DIP2A: variants seen among roughly 807,000 people sequenced by gnomAD.
The protein encoded by DIP2A is DIP2 acetate--CoA ligase A.
A neutral mutation model predicts 177.4 loss-of-function variants in DIP2A; 85 were observed. The ratio of observed to expected loss-of-function variants is 0.48; its 90% CI spans 0.40 to 0.57. The LOEUF is 0.57. DIP2A is among the 20% of genes least tolerant of loss of function. DIP2A has a pLI of 0.00. For synonymous variants in DIP2A, 886 were observed against 881.8 expected (o/e 1.00, Z -0.08); for missense variants, 1,791 against 2,100.2 (o/e 0.85, Z 2.88).
chr21:46,526,153 A>AC (rs1276142411), intron 8 of DIP2A, among the ~76,000 whole-genome samples: 1 of 151,658 alleles, frequency 6.6e-6, no homozygotes, highest in Non-Finnish European at 1.5e-5. Context: ...CAGGTGATCC[A>AC]CCTGCCTTGG....
chr21:46,575,905 T>C, the DIP2A span, among the ~76,000 whole-genome samples: 1 of 152,204 alleles, frequency 6.6e-6, no homozygotes, highest in Non-Finnish European at 1.5e-5. Flanking sequence ...CATTCTAAAA[T>C]TGATATAGAA....
intron 8 of DIP2A, among the ~76,000 whole-genome samples, chr21:46,528,350 A>G (rs561192004): frequency 5.9e-5 from 9 of 152,222 alleles, no homozygotes; most frequent in African/African-American, 1.9e-4. Context: ...ATTGAGGGAT[A>G]TTTAACGTAA....
rs1301588342 is a variant in DIP2A at position 46,509,386 on chromosome 21, G to A, written c.904+10G>A. The A allele has an allele frequency of 2.5e-6, 4 of 1,599,754 alleles. No individual in the cohort carries two copies. The highest frequency in any genetic ancestry group is 3.4e-6 in the Non-Finnish European group (4 of 1,174,746). On this transcript the variant is annotated intron_variant, in intron 7 of 37. Transcript: ENST00000417564. ...GAGGAATTGTTGGAAGGTAAGAGTT[G>A]TCCAACTTTGAGCTTTTCTGTTTGT...
chr21:46,557,948 G>A lies in DIP2A; in HGVS notation c.3798+195G>A, dbSNP rs1021946960. 6.6e-6 allele frequency among the ~76,000 whole-genome samples: 1 copy of A among 152,182 alleles called. No individual in the cohort carries two copies. Among genetic ancestry groups the A allele is most frequent in the Non-Finnish European group, 1.5e-5 (1 of 68,030 alleles). On this transcript the variant is annotated intron_variant, in intron 31 of 37. Coordinates refer to ENST00000417564, the MANE Select transcript of DIP2A (RefSeq NM_015151.4). This position sits in a 1 kb window ranked among gnomAD's most constrained non-coding sequence, Gnocchi z 6.0. Reference sequence around the variant, plus strand: ...ACCTGTCTCTGCAGCTCCACACCCCGCAGGAGAGGAGGGTGGGGGGTAGGG... The same window carrying A: ...ACCTGTCTCTGCAGCTCCACACCCCACAGGAGAGGAGGGTGGGGGGTAGGG...
rs1430267254 is a variant in DIP2A, at chr21:46,554,156, A to G, written c.3031-13A>G. Reference sequence around the variant, plus strand: ...CACCAGCATACAGATGAGCTCAAAGATCGCTTTCCTAGGGCACCGTCACAA... The same window carrying G: ...CACCAGCATACAGATGAGCTCAAAGGTCGCTTTCCTAGGGCACCGTCACAA... On this transcript the variant is annotated splice_polypyrimidine_tract_variant and intron_variant, in intron 25 of 37. Transcript: ENST00000417564. 1 of 1,612,552 alleles carries G rather than the reference A, an allele frequency of 6.2e-7. No homozygotes were observed.
chr21:46,530,006 T>C (rs2059288880), intron 9 of DIP2A, among the ~76,000 whole-genome samples: 1 of 152,222 alleles, frequency 6.6e-6, no homozygotes, highest in Non-Finnish European at 1.5e-5. Flanking sequence ...AGTTTCTTGG[T>C]TGCACAAGCC....
rs9980058 is a variant in DIP2A at position 46,567,675 on chromosome 21, G to A, written c.*53G>A. On this transcript the variant is annotated 3_prime_UTR_variant, in exon 38 of 38. Transcript: ENST00000417564. ...GATGAATGAGCCCCAGCAGTCCAAG[G>A]TGTGATGTGGGAAGACACCGCAGAG... is the stretch of plus-strand genomic sequence containing the variant. 1,823 of 1,539,730 alleles carry A rather than the reference G, an allele frequency of 1.2e-3. 23 individuals carry two copies. In the African/African-American group the frequency reaches 0.022, roughly 19 times the overall value.
intron 10 of DIP2A, 39 bp from the exon 11 acceptor site, chr21:46,533,485 T>G (rs2059433010): frequency 6.2e-7 from 1 of 1,600,762 alleles, no homozygotes; most frequent in Admixed American, 1.7e-5. Flanking sequence ...GTGGCTGCTG[T>G]GAGCACCCCA....
intron 2 of DIP2A, among the ~76,000 whole-genome samples, chr21:46,485,824 G>A (rs989682184): frequency 6.6e-6 from 1 of 152,070 alleles, no homozygotes; most frequent in Non-Finnish European, 1.5e-5. Context: ...TGTAATCCCA[G>A]CACTTTGGGA....
At chr21:46,487,550 A>G (rs1048086276) in intron 2 of DIP2A, among the ~76,000 whole-genome samples, 1 of 152,236 alleles carries the variant, frequency 6.6e-6, no homozygotes, top group African/African-American at 2.4e-5. Flanking sequence ...ACAAAAGATA[A>G]TCATCTTTAA....
chr21:46,558,472 C>T (rs528134572), intron 32 of DIP2A, 79 bp downstream of exon 32: 35 of 1,401,908 alleles, frequency 2.5e-5, no homozygotes, highest in African/African-American at 7.1e-5. Flanking sequence ...GTTAATGTGC[C>T]GTTTTGTAGC....
intron 21 of DIP2A, among the ~76,000 whole-genome samples, chr21:46,547,656 C>CTTTTTTTTTTT (rs10672432): frequency 1.3e-5 from 1 of 76,392 alleles, no homozygotes; most frequent in Non-Finnish European, 2.3e-5. Context: ...AAGGGGGTGC[C>CTTTTTTTTTTT]TTTTTTTTTT....
chr21:46,551,949 C>T (rs1463123769), intron 25 of DIP2A, 45 bp downstream of exon 25: 28 of 1,541,192 alleles, frequency 1.8e-5, no homozygotes, highest in Middle Eastern at 1.8e-4. Context: ...ACCTGTGGGC[C>T]GGTGGAGCCC....
chr21:46,554,097 G>A (rs2060367890), intron 25 of DIP2A, 72 bp from the exon 26 acceptor site: 2 of 1,523,146 alleles, frequency 1.3e-6, no homozygotes, highest in Non-Finnish European at 1.8e-6. Context: ...TGCAGGTGGT[G>A]TGCACGCAGA....
chr21:46,575,377 G>A, the DIP2A span, among the ~76,000 whole-genome samples: 1 of 152,112 alleles, frequency 6.6e-6, no homozygotes, highest in Non-Finnish European at 1.5e-5. Flanking sequence ...ACACAGCAAG[G>A]ATGACTGCGT....
Position 46,534,040 on chromosome 21 carries a change from A to C in DIP2A, c.1466A>C (p.Lys489Thr). 6.2e-7 allele frequency: 1 copy of C among 1,613,820 alleles called. No individual in the cohort carries two copies. The highest frequency in any genetic ancestry group is 8.5e-7 in the Non-Finnish European group (1 of 1,179,850). The change falls in exon 12 of 38, where the codon AAG (lysine) becomes ACG (threonine). Residue 489 changes from lysine to threonine, a missense_variant. Coordinates refer to ENST00000417564, the MANE Select transcript of DIP2A (RefSeq NM_015151.4). ...PPLSWLVIDG[K>T]HLAKPPKDWH... ...CTCTCCTGGCTAGTGATTGATGGGA[A>C]GCATCTAGCCAAGCCCCCAAAGGAC...
chr21:46,576,839 A>G, the DIP2A span, among the ~76,000 whole-genome samples: 1 of 151,922 alleles, frequency 6.6e-6, no homozygotes, highest in Non-Finnish European at 1.5e-5. Context: ...AGACAGTAGT[A>G]TCTCATTTGT....
chr21:46,516,556 G>A (rs1208089278), intron 8 of DIP2A, among the ~76,000 whole-genome samples: 18 of 136,960 alleles, frequency 1.3e-4, no homozygotes, highest in African/African-American at 4.3e-4. Flanking sequence ...CAAGTGGTGC[G>A]ATGTCAGCTC....
intron 1 of DIP2A, among the ~76,000 whole-genome samples, chr21:46,463,596 A>T (rs1031488318): frequency 1.3e-5 from 2 of 152,164 alleles, no homozygotes; most frequent in Non-Finnish European, 2.9e-5. Flanking sequence ...AGGGGGAAAA[A>T]ACTCTGGGTA....
Sources: allele counts gnomAD v4.1 joint callset (sites outside exome capture counted in the v4.1 genomes callset), GRCh38; gene constraint gnomAD v4.1.1; non-coding constraint Gnocchi (gnomAD v3.1); transcripts MANE v1.5; gene names NCBI Gene and HGNC (gene_info 2026-07-23, HGNC 2026-07-21).